The following APBB2 variants were observed in gnomAD, a reference collection of about 807,000 sequenced individuals.
APBB2 encodes Fe65-like 1.
APBB2 carries 38 observed loss-of-function variants against 82.5 expected under a neutral mutation model. That is an observed-to-expected ratio of 0.46 (90% CI 0.36 to 0.60). APBB2 has a LOEUF of 0.60. Ranked by LOEUF, APBB2 falls within the 20% of genes least tolerant of loss-of-function variation. The pLI is 0.00. For synonymous variants in APBB2, 341 were observed against 368.2 expected (o/e 0.93, Z 0.85); for missense variants, 772 against 972.3 (o/e 0.79, Z 2.74).
intron 12 of APBB2, among the ~76,000 whole-genome samples, chr4:40,886,848 G>T (rs1041726192): frequency 2.8e-4 from 43 of 152,304 alleles, no homozygotes; most frequent in African/African-American, 1.0e-3. Context: ...GAAAGACAAA[G>T]CTCATGAAAC....
chr4:40,992,853 G>T (rs920315041), intron 6 of APBB2, among the ~76,000 whole-genome samples: 1 of 152,168 alleles, frequency 6.6e-6, no homozygotes. Flanking sequence ...GATGGAGATA[G>T]GCCGGCCTGC....
intron 12 of APBB2, among the ~76,000 whole-genome samples, chr4:40,862,184 T>C (rs1366454475): frequency 2.0e-5 from 3 of 152,214 alleles, no homozygotes; most frequent in Non-Finnish European, 4.4e-5. Context: ...TTTGATTACA[T>C]GAGTATAAAC....
chr4:41,058,108 C>T (rs1411839886), intron 4 of APBB2, among the ~76,000 whole-genome samples: 1 of 152,186 alleles, frequency 6.6e-6, no homozygotes, highest in Non-Finnish European at 1.5e-5. Context: ...AGGTAGGCTT[C>T]TTTCCAGGGC....
At chr4:41,161,192 AAAC>A (rs1489416405) in intron 1 of APBB2, among the ~76,000 whole-genome samples, 8 of 143,700 alleles carry the variant, frequency 5.6e-5, no homozygotes, top group African/African-American at 1.6e-4. Flanking sequence ...AAAAAAAAAA[AAAC>A]GTGGTAAGTT....
chr4:41,038,799 G>A (rs1489168350), intron 4 of APBB2, among the ~76,000 whole-genome samples: 1 of 152,042 alleles, frequency 6.6e-6, no homozygotes, highest in Non-Finnish European at 1.5e-5. Flanking sequence ...ATAAATTCCA[G>A]AAAAGGGGGA....
At chr4:40,870,529 G>A (rs573323487) in intron 12 of APBB2, among the ~76,000 whole-genome samples, 2 of 152,298 alleles carry the variant, frequency 1.3e-5, no homozygotes, top group South Asian at 4.1e-4. Context: ...CATTTAAGAA[G>A]TCATATAATC....
At chr4:41,034,803 T>C (rs925303669) in intron 4 of APBB2, among the ~76,000 whole-genome samples, 1 of 152,256 alleles carries the variant, frequency 6.6e-6, no homozygotes, top group African/African-American at 2.4e-5. Flanking sequence ...TAGAAAGATC[T>C]AGAAATACTG....
intron 6 of APBB2, among the ~76,000 whole-genome samples, chr4:40,945,413 T>C (rs1441963587): frequency 3.5e-5 from 5 of 143,422 alleles, no homozygotes; most frequent in African/African-American, 1.5e-4. Flanking sequence ...CACATAGTTA[T>C]ACACAGTGTA....
chr4:41,094,754 G>C (rs745467774), intron 3 of APBB2, among the ~76,000 whole-genome samples: 38 of 152,068 alleles, frequency 2.5e-4, no homozygotes, highest in Non-Finnish European at 4.6e-4. Flanking sequence ...TAGTAGAGAC[G>C]GGGTTTCGCT....
intron 12 of APBB2, among the ~76,000 whole-genome samples, chr4:40,835,037 G>A (rs987338977): frequency 6.6e-6 from 1 of 152,072 alleles, no homozygotes; most frequent in African/African-American, 2.4e-5. Context: ...CCAGCACTTT[G>A]GGAGGCCAAG....
At chr4:41,128,396 C>T (rs1755027216) in intron 2 of APBB2, among the ~76,000 whole-genome samples, 1 of 152,176 alleles carries the variant, frequency 6.6e-6, no homozygotes, top group Non-Finnish European at 1.5e-5. Context: ...TTCAACCCAG[C>T]AATCCCATTG....
At chr4:41,169,885 G>C (rs1258729061) in intron 1 of APBB2, among the ~76,000 whole-genome samples, 2 of 151,818 alleles carry the variant, frequency 1.3e-5, no homozygotes, top group African/African-American at 4.8e-5. Context: ...ATAAGATCTA[G>C]AAACAGGAAC....
At chr4:41,031,792 G>A (rs1196525096) in intron 5 of APBB2, among the ~76,000 whole-genome samples, 1 of 152,064 alleles carries the variant, frequency 6.6e-6, no homozygotes, top group Non-Finnish European at 1.5e-5. Flanking sequence ...AAAGTTAAAG[G>A]ATCCCTAAAA....
chr4:40,949,508 C>T (rs542208915), intron 6 of APBB2, among the ~76,000 whole-genome samples: 8 of 152,076 alleles, frequency 5.3e-5, no homozygotes, highest in Non-Finnish European at 1.2e-4. Context: ...CAAGCAGCTG[C>T]TTCTGTAAAA....
intron 1 of APBB2, among the ~76,000 whole-genome samples, chr4:41,196,599 C>CTTTTTTTT: frequency 9.0e-5 from 9 of 100,354 alleles, no homozygotes; most frequent in Admixed American, 3.3e-4. Context: ...AAGCCCCCTG[C>CTTTTTTTT]TTTTTTTTTT....
intron 12 of APBB2, among the ~76,000 whole-genome samples, chr4:40,857,441 T>C (rs578186975): frequency 6.6e-6 from 1 of 152,324 alleles, no homozygotes; most frequent in South Asian, 2.1e-4. Context: ...TTAGAAAAAG[T>C]TGATGCTCTA....
intron 2 of APBB2, among the ~76,000 whole-genome samples, chr4:41,128,021 A>G (rs1267425796): frequency 2.6e-5 from 4 of 152,132 alleles, no homozygotes; most frequent in African/African-American, 9.7e-5. Context: ...CGGAGATTGC[A>G]GTATGCCAAG....
chr4:40,897,679 G>C (rs1214005433), intron 10 of APBB2, among the ~76,000 whole-genome samples: 3 of 152,172 alleles, frequency 2.0e-5, no homozygotes, highest in East Asian at 1.9e-4. Context: ...TTAAGTGAGA[G>C]GAAACAGGTG....
At chr4:40,840,187 T>G (rs1755352656) in intron 12 of APBB2, among the ~76,000 whole-genome samples, 1 of 152,190 alleles carries the variant, frequency 6.6e-6, no homozygotes, top group South Asian at 2.1e-4. Context: ...CCTCTTTGTT[T>G]CACCTGTGCA....
Sources: gnomAD v4.1 joint callset for allele counts (sites outside exome capture counted in the v4.1 genomes callset) on GRCh38, gnomAD v4.1.1 for gene constraint, MANE v1.5 for transcripts, NCBI Gene and HGNC (gene_info 2026-07-23, HGNC 2026-07-21) for gene names.